The following ZNF487 variants were observed in gnomAD, a reference collection of about 807,000 sequenced individuals.
ZNF487 encodes KRAB domain only 1.
In ZNF487, 4 loss-of-function variants were observed where a neutral mutation model predicts 3.0. That is an observed-to-expected ratio of 1.35 (90% CI 0.66 to 3.08). The LOEUF is 3.08. ZNF487 is among the 30% of genes most tolerant of loss of function. The pLI is 0.01. For missense variants in ZNF487, 146 were observed against 98.7 expected (o/e 1.48, Z -2.03); for synonymous variants, 55 against 34.6 (o/e 1.59, Z -2.06).
At chr10:43,516,106 T>G in the ZNF487 span, among the ~76,000 whole-genome samples, 1 of 152,160 alleles carries the variant, frequency 6.6e-6, no homozygotes, top group Non-Finnish European at 1.5e-5. Flanking sequence ...TTCACCACTT[T>G]GTCCACTGAA....
chr10:43,493,709 A>AAAAAAAAAT, the ZNF487 span, among the ~76,000 whole-genome samples: 2 of 43,718 alleles, frequency 4.6e-5, no homozygotes, highest in South Asian at 8.5e-4. Flanking sequence ...AAAAAAAAAA[A>AAAAAAAAAT]ATATATATAT....
chr10:43,461,168 G>A (rs1432507856), intron 1 of ZNF487, among the ~76,000 whole-genome samples: 1 of 152,024 alleles, frequency 6.6e-6, no homozygotes, highest in Admixed American at 6.6e-5. Flanking sequence ...CACCACACCC[G>A]GCTAATTTTT....
At chr10:43,505,475 G>C in the ZNF487 span, among the ~76,000 whole-genome samples, 7 of 151,292 alleles carry the variant, frequency 4.6e-5, no homozygotes, top group Non-Finnish European at 8.8e-5. Flanking sequence ...AGTAGAGACG[G>C]GGTTTCACCG....
intron 1 of ZNF487, chr10:43,452,221 C>G (rs899678115): frequency 2.0e-5 from 3 of 152,124 alleles, no homozygotes; most frequent in Admixed American, 6.6e-5. Flanking sequence ...CCCACCTCTT[C>G]CCTCCCCTTC....
chr10:43,509,023 C>T, the ZNF487 span, among the ~76,000 whole-genome samples: 1 of 151,434 alleles, frequency 6.6e-6, no homozygotes, highest in Non-Finnish European at 1.5e-5. Flanking sequence ...ACAAAACGCT[C>T]TCTGTACTAA....
At chr10:43,515,466 C>A in the ZNF487 span, among the ~76,000 whole-genome samples, 6 of 152,146 alleles carry the variant, frequency 3.9e-5, no homozygotes, top group Non-Finnish European at 8.8e-5. Flanking sequence ...GCTGTTTCTT[C>A]TGGCAAAAAA....
chr10:43,484,475 T>C (rs7903028), downstream of ZNF487, among the ~76,000 whole-genome samples: 116,186 of 151,660 alleles, frequency 0.77, 45,697 homozygotes, highest in East Asian at 0.97. Context: ...GGCATGATGG[T>C]GGGCACCTAT....
At chr10:43,461,063 A>G (rs1316829828) in intron 1 of ZNF487, among the ~76,000 whole-genome samples, 7 of 150,726 alleles carry the variant, frequency 4.6e-5, no homozygotes, top group Non-Finnish European at 8.9e-5. Flanking sequence ...CTGGAGTGCA[A>G]TGGCGTGATC....
chr10:43,501,142 T>C, the ZNF487 span, among the ~76,000 whole-genome samples: 1 of 152,196 alleles, frequency 6.6e-6, no homozygotes, highest in Non-Finnish European at 1.5e-5. Context: ...CTGTAGACAA[T>C]TGTAACACAA....
rs773483563 is a variant in ZNF487 at position 43,454,333 on chromosome 10, G to A, written c.-94+17071G>A. 2 of 152,248 alleles carry A rather than the reference G, an allele frequency of 1.3e-5. 1 individual carries two copies. The highest frequency in any genetic ancestry group is 3.8e-4 in the East Asian group (2 of 5,200). The allele number at this position is 152,248 out of a possible 1,614,324, so 9.4% of individuals were successfully genotyped here. On this transcript the variant is annotated intron_variant, in intron 1 of 3. Coordinates refer to ENST00000437590, the MANE Select transcript of ZNF487 (RefSeq NM_001355444.3). ...CCCAAAGTGGTAGGATTACAGGCGT[G>A]AGCCACTGCACCTGGCCCTCGACTC...
chr10:43,471,489 G>C (rs183142029), intron 1 of ZNF487, among the ~76,000 whole-genome samples: 3 of 152,304 alleles, frequency 2.0e-5, no homozygotes, highest in South Asian at 4.1e-4. Flanking sequence ...AAGGGCCAGC[G>C]TGACAGTCTT....
At chr10:43,468,310 T>C (rs1321940351) in intron 1 of ZNF487, among the ~76,000 whole-genome samples, 1 of 152,124 alleles carries the variant, frequency 6.6e-6, no homozygotes, top group Non-Finnish European at 1.5e-5. Context: ...TTTTAGAGGA[T>C]TGAATCCAAT....
intron 1 of ZNF487, among the ~76,000 whole-genome samples, chr10:43,463,203 C>T (rs1219525560): frequency 6.6e-6 from 1 of 150,556 alleles, no homozygotes; most frequent in African/African-American, 2.5e-5. Flanking sequence ...CATTGCAATC[C>T]AGCCTGGGCA....
chr10:43,445,075 C>T (rs772075907), intron 1 of ZNF487, among the ~76,000 whole-genome samples: 1 of 151,398 alleles, frequency 6.6e-6, no homozygotes. Context: ...GTTCAGTAAT[C>T]TTTTCTTCTG....
At chr10:43,483,477 T>G (rs1199818012), downstream of ZNF487, among the ~76,000 whole-genome samples, 2 of 151,598 alleles carry the variant, frequency 1.3e-5, no homozygotes, top group African/African-American at 4.9e-5. Context: ...CGACCTCAGG[T>G]GTCCACCCGC....
At chr10:43,448,012 C>T (rs1167834908) in intron 1 of ZNF487, among the ~76,000 whole-genome samples, 60 of 99,382 alleles carry the variant, frequency 6.0e-4, no homozygotes, top group Admixed American at 1.7e-3. Context: ...TTTTTTGAGA[C>T]GGAGTCTCAC....
the ZNF487 span, among the ~76,000 whole-genome samples, chr10:43,489,285 TA>T: frequency 6.6e-6 from 1 of 152,196 alleles, no homozygotes; most frequent in Non-Finnish European, 1.5e-5. Flanking sequence ...ACTCCATTTC[TA>T]AAAAAGTGAA....
chr10:43,493,709 A>AAAAAAATATATATAT, the ZNF487 span, among the ~76,000 whole-genome samples: 1 of 43,718 alleles, frequency 2.3e-5, no homozygotes, highest in African/African-American at 8.7e-5. Flanking sequence ...AAAAAAAAAA[A>AAAAAAATATATATAT]ATATATATAT....
In ZNF487 at chr10:43,457,577, GAAAA is replaced by G. The variant is rs1199547546; in HGVS notation, c.-93-18142_-93-18139del. 3.8e-5 allele frequency among the ~76,000 whole-genome samples: 5 copies of G among 131,952 alleles called. No homozygotes were observed. In the East Asian group the frequency reaches 9.2e-4, roughly 24 times the overall value. The allele number at this position is 131,952 out of a possible 152,430, so 86.6% of individuals were successfully genotyped here. A position where few individuals can be genotyped will look rare whatever the true frequency, so the allele number is the denominator to read the frequency against. On this transcript the variant is annotated intron_variant, in intron 1 of 3. Coordinates refer to ENST00000437590, the MANE Select transcript of ZNF487 (RefSeq NM_001355444.3). ...CTTGGGGAAAAAAAAAAAAAAAAAA[GAAAA>G]AGAAAAGAATTCCTCATGAGATCGC...
Sources: allele counts gnomAD v4.1 joint callset (sites outside exome capture counted in the v4.1 genomes callset), GRCh38; gene constraint gnomAD v4.1.1; transcripts MANE v1.5; gene names NCBI Gene and HGNC (gene_info 2026-07-23, HGNC 2026-07-21).